Variants in IGSF10 observed in about 807,000 individuals in gnomAD.
The protein encoded by IGSF10 is immunoglobulin superfamily member 10.
In IGSF10, 126 loss-of-function variants were observed where a neutral mutation model predicts 128.2. The observed-to-expected ratio is 0.98, with a 90% CI of 0.85 to 1.14. The LOEUF (loss-of-function observed/expected upper bound fraction) is 1.14, where lower values mean the gene tolerates loss of function less well. Ranked by LOEUF, IGSF10 falls within the 50% of genes most tolerant of loss-of-function variation. IGSF10 has a pLI of 0.00. For synonymous variants in IGSF10, 1,185 were observed against 1,146.2 expected (o/e 1.03, Z -0.68); for missense variants, 3,295 against 3,149.8 (o/e 1.05, Z -1.10).
chr3:151,556,268 G>A, the IGSF10 span, among the ~76,000 whole-genome samples: 2 of 152,144 alleles, frequency 1.3e-5, no homozygotes, highest in African/African-American at 2.4e-5. Flanking sequence ...ATGGGTAAAA[G>A]TACCACTAAC....
Position 151,442,939 on chromosome 3 carries a change from T to C in IGSF10, c.5963+45A>G, listed in dbSNP as rs1018213025. 4 of 1,540,400 alleles carry C rather than the reference T, an allele frequency of 2.6e-6. No homozygotes were observed. In the African/African-American group the frequency reaches 5.5e-5, roughly 21 times the overall value. ...TTTTCCATTTCAGAAGTTGTACAGCTAAATACATAAAGCAGATAATTCCAA... is the reference window on the plus strand; with the variant it reads ...TTTTCCATTTCAGAAGTTGTACAGCCAAATACATAAAGCAGATAATTCCAA... On this transcript the variant is annotated intron_variant, in intron 7 of 7. Transcript: ENST00000282466.
the IGSF10 span, among the ~76,000 whole-genome samples, chr3:151,541,071 G>A: frequency 6.6e-6 from 1 of 152,028 alleles, no homozygotes; most frequent in African/African-American, 2.4e-5. Flanking sequence ...TAGTGTGTAT[G>A]GAACAAATGA....
chr3:151,559,389 C>A, the IGSF10 span, among the ~76,000 whole-genome samples: 1 of 152,046 alleles, frequency 6.6e-6, no homozygotes, highest in African/African-American at 2.4e-5. Flanking sequence ...AATAAAGATG[C>A]TCTAAGAATC....
chr3:151,491,408 C>T, the IGSF10 span, among the ~76,000 whole-genome samples: 1 of 151,988 alleles, frequency 6.6e-6, no homozygotes, highest in Non-Finnish European at 1.5e-5. Context: ...GAGACCCCGT[C>T]TCTACTAAAA....
In IGSF10 at chr3:151,458,729, T is replaced by G; in HGVS notation, c.-1-19A>C. Reference sequence around the variant, plus strand: ...CTTCATCCTGAAAAAACATCATACCTCAGAGTTATAAAGAGTGGTGGAGCA... The same window carrying G: ...CTTCATCCTGAAAAAACATCATACCGCAGAGTTATAAAGAGTGGTGGAGCA... On this transcript the variant is annotated intron_variant, in intron 2 of 7. Coordinates refer to ENST00000282466, the MANE Select transcript of IGSF10 (RefSeq NM_178822.5). 1 of 1,603,324 alleles carries G rather than the reference T, an allele frequency of 6.2e-7. No homozygotes were observed. The highest frequency in any genetic ancestry group is 8.5e-7 in the Non-Finnish European group (1 of 1,173,598).
At chr3:151,601,762 T>C in the IGSF10 span, among the ~76,000 whole-genome samples, 3 of 152,194 alleles carry the variant, frequency 2.0e-5, no homozygotes, top group Non-Finnish European at 4.4e-5. Context: ...CAACTGGTAA[T>C]AGACACCCCA....
chr3:151,597,929 A>C, the IGSF10 span, among the ~76,000 whole-genome samples: 1 of 145,130 alleles, frequency 6.9e-6, no homozygotes, highest in Non-Finnish European at 1.5e-5. Context: ...AAAAAAAAAA[A>C]ACACAACAAC....
In IGSF10 at chr3:151,445,653, G is replaced by A. The variant is rs781130884; in HGVS notation, c.4328C>T (p.Ser1443Phe). The A allele has an allele frequency of 6.2e-7, 1 of 1,614,202 alleles. No homozygotes were observed. The highest frequency in any genetic ancestry group is 1.3e-5 in the African/African-American group (1 of 75,052). ...TGTGGTACTCTGGTGTGATTTGCTGGACAAAGTTGTTTCAGAAGCAATTGT... is the reference window on the plus strand; with the variant it reads ...TGTGGTACTCTGGTGTGATTTGCTGAACAAAGTTGTTTCAGAAGCAATTGT... The part of the protein sequence containing the change: ...KSTIASETTL[S>F]SKSHQSTTTR... The change falls in exon 6 of 8, where the codon TCC becomes TTC. Residue 1443 changes from serine to phenylalanine, a missense_variant. By Grantham distance (155) the Ser-to-Phe change is radical (BLOSUM62 -2). Transcript: ENST00000282466.
chr3:151,601,661 G>A, the IGSF10 span, among the ~76,000 whole-genome samples: 19 of 152,206 alleles, frequency 1.2e-4, no homozygotes, highest in Non-Finnish European at 2.2e-4. Context: ...GTTCCTCAGA[G>A]GTGTGAGTCT....
the IGSF10 span, among the ~76,000 whole-genome samples, chr3:151,584,684 T>C: frequency 6.6e-6 from 1 of 152,196 alleles, no homozygotes. Context: ...GTTTTAGCTT[T>C]ACCCCCTGGG....
At chr3:151,556,273 A>T in the IGSF10 span, among the ~76,000 whole-genome samples, 1 of 152,212 alleles carries the variant, frequency 6.6e-6, no homozygotes, top group Admixed American at 6.5e-5. Flanking sequence ...TAAAAGTACC[A>T]CTAACACAGA....
At chr3:151,443,916 G>A in intron 6 of IGSF10, 32 bp from the exon 7 acceptor site, 1 of 1,489,342 alleles carries the variant, frequency 6.7e-7, no homozygotes, top group Non-Finnish European at 9.1e-7. Context: ...TATTGCTACG[G>A]GTCATCAAAG....
chr3:151,541,413 G>A, the IGSF10 span, among the ~76,000 whole-genome samples: 1 of 152,254 alleles, frequency 6.6e-6, no homozygotes, highest in South Asian at 2.1e-4. Flanking sequence ...AGTGAGATTA[G>A]CTAGCACACT....
the IGSF10 span, among the ~76,000 whole-genome samples, chr3:151,528,254 C>G: frequency 7.8e-3 from 1,191 of 152,208 alleles, 6 homozygotes; most frequent in Non-Finnish European, 0.014. Context: ...GTTATTCATT[C>G]TTTTTGTTGT....
the IGSF10 span, among the ~76,000 whole-genome samples, chr3:151,497,243 C>T: frequency 3.3e-5 from 5 of 152,162 alleles, no homozygotes; most frequent in Non-Finnish European, 5.9e-5. Context: ...GACATGAAGT[C>T]CTAGCCCATG....
At chr3:151,434,846 G>T (rs1424017472), downstream of IGSF10, 1 of 152,216 alleles carries the variant, frequency 6.6e-6, no homozygotes, top group African/African-American at 2.4e-5. Flanking sequence ...CTTTGCAGAG[G>T]TGAGTTAAAT....
At chr3:151,558,022 TATATA>T in the IGSF10 span, among the ~76,000 whole-genome samples, 2 of 29,548 alleles carry the variant, frequency 6.8e-5, no homozygotes, top group Non-Finnish European at 5.4e-5. Context: ...ATATATAATA[TATATA>T]TTGGTACAAT....
the IGSF10 span, among the ~76,000 whole-genome samples, chr3:151,535,374 T>C: frequency 6.6e-6 from 1 of 152,134 alleles, no homozygotes; most frequent in African/African-American, 2.4e-5. Flanking sequence ...AACCAAATAA[T>C]ATACTTCTCA....
chr3:151,616,897 C>T, the IGSF10 span, among the ~76,000 whole-genome samples: 8 of 152,088 alleles, frequency 5.3e-5, no homozygotes, highest in Non-Finnish European at 8.8e-5. Flanking sequence ...TGAGGGGTGG[C>T]ATCTGGTAAG....
Sources: gnomAD v4.1 joint callset for allele counts (sites outside exome capture counted in the v4.1 genomes callset) on GRCh38, gnomAD v4.1.1 for gene constraint, MANE v1.5 for transcripts, NCBI Gene and HGNC (gene_info 2026-07-23, HGNC 2026-07-21) for gene names.